Variants in KCNQ5 observed in about 807,000 individuals in gnomAD.
KCNQ5 encodes the protein potassium voltage-gated channel subfamily KQT member 5.
A neutral mutation model predicts 98.2 loss-of-function variants in KCNQ5; 30 were observed. The observed-to-expected ratio is 0.31, with a 90% CI of 0.23 to 0.41. The LOEUF is 0.41. Ranked by LOEUF, KCNQ5 falls within the 10% of genes least tolerant of loss-of-function variation. KCNQ5 has a pLI of 1.00. For missense variants in KCNQ5, 835 were observed against 1,182.5 expected (o/e 0.71, Z 4.31); for synonymous variants, 458 against 449.4 (o/e 1.02, Z -0.24).
At position 73,057,483 on chromosome 6, in the gene KCNQ5, A is replaced by T. The variant is rs540518739; in HGVS notation, c.616+15421A>T. ...ACCTTAGAACTTAAAGTATAGTAAA[A>T]AAATAAATAAATAAATAAAAATTTA... On this transcript the variant is annotated intron_variant, in intron 3 of 13. Coordinates refer to ENST00000370398, the MANE Select transcript of KCNQ5 (RefSeq NM_019842.4). Among the ~76,000 whole-genome samples the T allele has an allele frequency of 2.7e-3, 413 of 152,250 alleles. 2 individuals carry two copies. The highest frequency in any genetic ancestry group is 9.2e-3 in the African/African-American group (384 of 41,556).
At chr6:72,734,229 T>C (rs1019416367) in intron 1 of KCNQ5, among the ~76,000 whole-genome samples, 1 of 152,234 alleles carries the variant, frequency 6.6e-6, no homozygotes, top group Non-Finnish European at 1.5e-5. Flanking sequence ...GACTGAAAAA[T>C]GTTATTTAAT....
chr6:73,061,554 A>G (rs1038885781), intron 3 of KCNQ5, among the ~76,000 whole-genome samples: 7 of 152,122 alleles, frequency 4.6e-5, no homozygotes, highest in African/African-American at 7.2e-5. Context: ...GCAAAGAGGG[A>G]CAATGCCAAA....
chr6:72,786,588 T>C (rs1773752883), intron 1 of KCNQ5, among the ~76,000 whole-genome samples: 1 of 152,158 alleles, frequency 6.6e-6, no homozygotes, highest in South Asian at 2.1e-4. Flanking sequence ...ATTTCTCCAT[T>C]ACCCAGAGTC....
intron 2 of KCNQ5, among the ~76,000 whole-genome samples, chr6:73,016,049 C>T (rs558251679): frequency 6.6e-6 from 1 of 152,120 alleles, no homozygotes; most frequent in East Asian, 1.9e-4. Flanking sequence ...AATCTCTGTT[C>T]TCATGGAGCT....
At chr6:72,806,309 G>A (rs1774956416) in intron 1 of KCNQ5, among the ~76,000 whole-genome samples, 1 of 152,120 alleles carries the variant, frequency 6.6e-6, no homozygotes, top group Middle Eastern at 3.4e-3. Context: ...AATAAGACAA[G>A]CAAAAATCCA....
intron 1 of KCNQ5, among the ~76,000 whole-genome samples, chr6:72,766,383 G>A (rs377543235): frequency 6.5e-4 from 99 of 152,074 alleles, no homozygotes; most frequent in African/African-American, 2.1e-3. Context: ...GGAAGTCATC[G>A]GAAGGCTTTG....
intron 10 of KCNQ5, among the ~76,000 whole-genome samples, chr6:73,137,991 T>A (rs1292225203): frequency 6.6e-6 from 1 of 152,158 alleles, no homozygotes; most frequent in African/African-American, 2.4e-5. Flanking sequence ...TATCCCATCT[T>A]TCTCCCAGCC....
chr6:72,725,639 ATGTT>A (rs1770224165), intron 1 of KCNQ5, among the ~76,000 whole-genome samples: 1 of 152,186 alleles, frequency 6.6e-6, no homozygotes, highest in Non-Finnish European at 1.5e-5. Flanking sequence ...AATGCATTGT[ATGTT>A]TCAAACTTGC....
chr6:73,157,647 G>C (rs1777421836), intron 10 of KCNQ5: 2 of 775,416 alleles, frequency 2.6e-6, no homozygotes, highest in South Asian at 1.3e-5. Context: ...GTGATGGCTG[G>C]GGTCAGCTCT....
intron 1 of KCNQ5, among the ~76,000 whole-genome samples, chr6:72,949,371 C>A (rs1766694287): frequency 6.6e-6 from 1 of 152,128 alleles, no homozygotes; most frequent in Non-Finnish European, 1.5e-5. Context: ...TCCTTAGATC[C>A]ACCATGTTGA....
chr6:72,773,676 A>G (rs1773020817), intron 1 of KCNQ5, among the ~76,000 whole-genome samples: 1 of 152,196 alleles, frequency 6.6e-6, no homozygotes, highest in East Asian at 1.9e-4. Flanking sequence ...AGTTAAATTT[A>G]TATTTAGTTT....
chr6:72,828,960 A>G (rs371908016), intron 1 of KCNQ5, among the ~76,000 whole-genome samples: 3 of 152,106 alleles, frequency 2.0e-5, no homozygotes, highest in Non-Finnish European at 4.4e-5. Context: ...GTACATATCT[A>G]CATATATACA....
At chr6:73,139,282 C>T (rs773454191) in intron 10 of KCNQ5, among the ~76,000 whole-genome samples, 4 of 152,142 alleles carry the variant, frequency 2.6e-5, no homozygotes, top group Non-Finnish European at 4.4e-5. Context: ...AGGATGGGAC[C>T]GCCATCATTG....
In KCNQ5 at chr6:73,129,802, T is replaced by C. The variant is rs1582411724; in HGVS notation, c.1248-3619T>C. The C allele has an allele frequency of 1.9e-6, 3 of 1,612,710 alleles. No individual in the cohort carries two copies. The East Asian group carries it at 6.7e-5, about 36-fold the overall frequency. On this transcript the variant is annotated intron_variant, in intron 9 of 13. Transcript: ENST00000370398. ...TTTCCCTCACTCCTAGTAAGTTCTG[T>C]AGTAATAAGCAGAAGCTCTTCAGAA...
intron 1 of KCNQ5, among the ~76,000 whole-genome samples, chr6:72,788,284 A>T (rs917707828): frequency 5.3e-5 from 8 of 152,164 alleles, no homozygotes; most frequent in Non-Finnish European, 2.9e-5. Context: ...TCAAATCCTG[A>T]CTCTGCTACT....
chr6:72,722,378 T>C (rs1770014955), intron 1 of KCNQ5, among the ~76,000 whole-genome samples: 1 of 152,192 alleles, frequency 6.6e-6, no homozygotes. Flanking sequence ...AAGTTCTAAG[T>C]CAATCAGAAT....
intron 1 of KCNQ5, among the ~76,000 whole-genome samples, chr6:72,956,475 G>GT (rs1383926635): frequency 8.5e-6 from 1 of 117,626 alleles, no homozygotes; most frequent in Admixed American, 7.9e-5. Flanking sequence ...TTGTTATTTG[G>GT]TTTTTTCTTT....
At chr6:72,658,302 A>T (rs1158695692) in intron 1 of KCNQ5, among the ~76,000 whole-genome samples, 1 of 151,448 alleles carries the variant, frequency 6.6e-6, no homozygotes, top group East Asian at 1.9e-4. Flanking sequence ...TTTTTTTGAG[A>T]CGGGGTCTTG....
chr6:72,677,124 C>G (rs1305308205), intron 1 of KCNQ5: 1 of 152,202 alleles, frequency 6.6e-6, no homozygotes, highest in Non-Finnish European at 1.5e-5. Flanking sequence ...TGGCGTACTA[C>G]TCTCTGAAGC....
Sources: gnomAD v4.1 joint callset for allele counts (sites outside exome capture counted in the v4.1 genomes callset) on GRCh38, gnomAD v4.1.1 for gene constraint, MANE v1.5 for transcripts, NCBI Gene and HGNC (gene_info 2026-07-23, HGNC 2026-07-21) for gene names.